Variants in LRRC37A2 observed in about 807,000 individuals in gnomAD.
The protein encoded by LRRC37A2 is leucine-rich repeat-containing protein 37A2.
LRRC37A2 carries 9 observed loss-of-function variants against 68.8 expected under a neutral mutation model. That is an observed-to-expected ratio of 0.13 (90% confidence interval 0.08 to 0.23). LRRC37A2 has a LOEUF of 0.23. Among genes scored for constraint, LRRC37A2 ranks in the 10% least tolerant of loss-of-function variants. The probability of loss-of-function intolerance (pLI) is 1.00; values close to 1 mark genes in which losing one functional copy is unlikely to be tolerated. For missense variants in LRRC37A2, 168 were observed against 950.4 expected (o/e 0.18, Z 10.82); for synonymous variants, 63 against 367.6 (o/e 0.17, Z 9.48).
At chr17:46,923,441 C>T in the LRRC37A2 span, 3 of 1,415,944 alleles carry the variant, frequency 2.1e-6, no homozygotes, top group Non-Finnish European at 2.8e-6. Context: ...GGGCAGATGA[C>T]TCCTGGGGTC....
At chr17:46,875,094 G>A in the LRRC37A2 span, 6 of 1,613,506 alleles carry the variant, frequency 3.7e-6, no homozygotes, top group East Asian at 4.5e-5. Flanking sequence ...CTGGGTGCCC[G>A]ATCCAGGCTT....
the LRRC37A2 span, among the ~76,000 whole-genome samples, chr17:46,969,571 G>C: frequency 6.6e-6 from 1 of 152,232 alleles, no homozygotes. Context: ...GCTCCAGGCT[G>C]GGACCAGCCT....
the LRRC37A2 span, chr17:47,007,756 GA>G: frequency 6.6e-6 from 1 of 152,164 alleles, no homozygotes; most frequent in African/African-American, 2.4e-5. Flanking sequence ...GCTATAAATA[GA>G]ATAATATTTT....
At chr17:46,807,312 A>G in the LRRC37A2 span, among the ~76,000 whole-genome samples, 1 of 152,154 alleles carries the variant, frequency 6.6e-6, no homozygotes, top group Non-Finnish European at 1.5e-5. Context: ...GTGAAATCCT[A>G]TCTCTACTGA....
chr17:46,961,749 A>G, the LRRC37A2 span, among the ~76,000 whole-genome samples: 1 of 152,222 alleles, frequency 6.6e-6, no homozygotes, highest in African/African-American at 2.4e-5. Flanking sequence ...GAAGAGATAC[A>G]CAAAGAAACT....
At chr17:46,828,039 T>C in the LRRC37A2 span, among the ~76,000 whole-genome samples, 1 of 151,924 alleles carries the variant, frequency 6.6e-6, no homozygotes, top group East Asian at 1.9e-4. Flanking sequence ...CTCGATCCGC[T>C]GACCTCATGA....
At chr17:46,502,347 G>T in the LRRC37A2 span, among the ~76,000 whole-genome samples, 4 of 151,154 alleles carry the variant, frequency 2.6e-5, no homozygotes, top group Admixed American at 2.6e-4. Context: ...TTTCACTCTT[G>T]TTCCCCAGGC....
At chr17:46,952,035 GGA>G in the LRRC37A2 span, among the ~76,000 whole-genome samples, 10 of 152,270 alleles carry the variant, frequency 6.6e-5, no homozygotes, top group African/African-American at 2.2e-4. Context: ...ATTGCATCAG[GGA>G]GAGGGGGAGA....
intron 8 of LRRC37A2, among the ~76,000 whole-genome samples, chr17:46,545,349 G>A (rs944448877): frequency 1.4e-5 from 2 of 140,896 alleles, no homozygotes; most frequent in Admixed American, 1.4e-4. Flanking sequence ...TACTCAGGAG[G>A]CTGAATTTGG....
chr17:46,785,340 G>A, the LRRC37A2 span, among the ~76,000 whole-genome samples: 6 of 152,208 alleles, frequency 3.9e-5, no homozygotes, highest in African/African-American at 1.2e-4. Context: ...TAATGTCACC[G>A]TGAGTGCAGC....
chr17:46,980,224 T>C, the LRRC37A2 span, among the ~76,000 whole-genome samples: 1 of 151,258 alleles, frequency 6.6e-6, no homozygotes, highest in African/African-American at 2.4e-5. Flanking sequence ...AGCTACAACA[T>C]CATTTTTAGT....
chr17:46,721,815 T>C, the LRRC37A2 span: 1 of 1,600,028 alleles, frequency 6.2e-7, no homozygotes, highest in South Asian at 1.1e-5. Flanking sequence ...GTACGGCTCC[T>C]GGGACACTTT....
the LRRC37A2 span, among the ~76,000 whole-genome samples, chr17:46,905,259 A>G: frequency 2.0e-5 from 3 of 152,076 alleles, no homozygotes; most frequent in Non-Finnish European, 2.9e-5. Context: ...TTTTTAAAGT[A>G]GAGACAGGGT....
the LRRC37A2 span, among the ~76,000 whole-genome samples, chr17:46,859,080 G>A: frequency 6.6e-6 from 1 of 151,088 alleles, no homozygotes; most frequent in African/African-American, 2.4e-5. Context: ...GGGTTCAAGT[G>A]ATTCTTCTGA....
the LRRC37A2 span, among the ~76,000 whole-genome samples, chr17:46,799,482 CT>C: frequency 7.2e-6 from 1 of 139,266 alleles, no homozygotes; most frequent in African/African-American, 2.7e-5. Flanking sequence ...GAGTCTCACT[CT>C]GTTGCCCAGG....
At chr17:47,008,179 C>T in the LRRC37A2 span, among the ~76,000 whole-genome samples, 26 of 147,390 alleles carry the variant, frequency 1.8e-4, no homozygotes, top group African/African-American at 4.5e-4. Flanking sequence ...GGCGCAATCT[C>T]GGCTCACTGC....
the LRRC37A2 span, among the ~76,000 whole-genome samples, chr17:46,777,554 C>G: frequency 6.6e-6 from 1 of 152,274 alleles, no homozygotes; most frequent in South Asian, 2.1e-4. Context: ...GCTGTGCAGA[C>G]GCAGTCTCTC....
At chr17:47,026,691 T>C in the LRRC37A2 span, among the ~76,000 whole-genome samples, 1 of 152,234 alleles carries the variant, frequency 6.6e-6, no homozygotes, top group Non-Finnish European at 1.5e-5. Context: ...AAATTTCTTT[T>C]ATGAAATATT....
chr17:46,990,380 T>G, the LRRC37A2 span, among the ~76,000 whole-genome samples: 1 of 152,216 alleles, frequency 6.6e-6, no homozygotes, highest in African/African-American at 2.4e-5. Flanking sequence ...TGATAACATA[T>G]CATAAAGATC....
Sources: gnomAD v4.1 joint callset for allele counts (sites outside exome capture counted in the v4.1 genomes callset) on GRCh38, gnomAD v4.1.1 for gene constraint, MANE v1.5 for transcripts, NCBI Gene and HGNC (gene_info 2026-07-23, HGNC 2026-07-21) for gene names.